Variants in CELF4 observed in about 807,000 individuals in gnomAD.
CELF4 encodes the protein CUGBP Elav-like family member 4.
Under a neutral mutation model 59.9 loss-of-function variants are expected in CELF4, and 18 were observed. The ratio of observed to expected loss-of-function variants is 0.30; its 90% CI spans 0.21 to 0.45. The LOEUF is 0.45. Ranked by LOEUF, CELF4 falls within the 20% of genes least tolerant of loss-of-function variation. The pLI is 1.00. For synonymous variants in CELF4, 261 were observed against 267.1 expected, an observed-to-expected ratio of 0.98 and a Z score of 0.22; for missense variants, 456 against 689.0, an observed-to-expected ratio of 0.66 and a Z score of 3.79.
intron 2 of CELF4, among the ~76,000 whole-genome samples, chr18:37,367,418 TG>T (rs978991651): frequency 6.6e-6 from 1 of 151,326 alleles, no homozygotes; most frequent in Non-Finnish European, 1.5e-5. Flanking sequence ...CTCCCAGCCC[TG>T]GGAGGCAGCA....
At chr18:37,478,068 G>A (rs1420230118) in intron 2 of CELF4, among the ~76,000 whole-genome samples, 1 of 152,186 alleles carries the variant, frequency 6.6e-6, no homozygotes, top group Admixed American at 6.5e-5. Flanking sequence ...CAATGGCGTC[G>A]GGTAGTGGAG....
rs1386697472 is a variant in CELF4, at chr18:37,274,793, G to A, written c.657+12C>T. ...GCTGCCCTCGCCCCCGCCCCAAGGG[G>A]CCAGCACTCACCGGCATGGTCTGGC... is the stretch of plus-strand genomic sequence containing the variant. On this transcript the variant is annotated intron_variant, in intron 5 of 12. Coordinates refer to ENST00000420428, the MANE Select transcript of CELF4 (RefSeq NM_020180.4). The A allele has an allele frequency of 5.1e-6, 8 of 1,579,706 alleles. No individual in the cohort carries two copies. In the Admixed American group the frequency reaches 1.4e-4, roughly 28 times the overall value.
intron 2 of CELF4, among the ~76,000 whole-genome samples, chr18:37,372,753 G>T (rs1294889922): frequency 6.6e-6 from 1 of 151,848 alleles, no homozygotes; most frequent in Non-Finnish European, 1.5e-5. Flanking sequence ...ACTCAACTGG[G>T]TATATGTTTA....
At chr18:37,363,734 C>G (rs1241954276) in intron 2 of CELF4, among the ~76,000 whole-genome samples, 7 of 152,208 alleles carry the variant, frequency 4.6e-5, no homozygotes, top group African/African-American at 1.4e-4. Flanking sequence ...TCTGAGCTTG[C>G]TATCCTGCAG....
At chr18:37,467,144 C>G (rs989525399) in intron 2 of CELF4, among the ~76,000 whole-genome samples, 1 of 152,130 alleles carries the variant, frequency 6.6e-6, no homozygotes, top group African/African-American at 2.4e-5. Context: ...TATGGGGTAT[C>G]AGAAAGCTAC....
At chr18:37,538,575 T>C (rs1307025713) in intron 1 of CELF4, among the ~76,000 whole-genome samples, 1 of 152,124 alleles carries the variant, frequency 6.6e-6, no homozygotes, top group Admixed American at 6.5e-5. Context: ...ACCTGTTGAA[T>C]TGATTTGTGT....
rs977055398 is a variant in CELF4, at chr18:37,421,072, C to A, written c.369+64453G>T. On this transcript the variant is annotated intron_variant, in intron 2 of 12. Transcript: ENST00000420428. ...GTGTAGGAGCTGCTGAGTCTTTGGT[C>A]CTGATCTTTCTGCCTCTTCCCCATC... Among the ~76,000 whole-genome samples, 4 of 152,162 alleles carry A rather than the reference C, an allele frequency of 2.6e-5. 1 individual carries two copies. The highest frequency in any genetic ancestry group is 2.6e-4 in the Admixed American group (4 of 15,274).
At chr18:37,297,066 AG>A (rs1239100388) in intron 3 of CELF4, among the ~76,000 whole-genome samples, 2 of 152,162 alleles carry the variant, frequency 1.3e-5, no homozygotes, top group African/African-American at 4.8e-5. Context: ...AGAGGGGAGC[AG>A]GGGAGATTGA....
At chr18:37,328,235 G>T (rs1231461516) in intron 2 of CELF4, among the ~76,000 whole-genome samples, 1 of 152,226 alleles carries the variant, frequency 6.6e-6, no homozygotes, top group African/African-American at 2.4e-5. Flanking sequence ...GGCAGAAGCA[G>T]GGGGATTCGC....
At chr18:37,358,815 T>C (rs1395374959) in intron 2 of CELF4, among the ~76,000 whole-genome samples, 1 of 55,580 alleles carries the variant, frequency 1.8e-5, no homozygotes, top group Non-Finnish European at 3.4e-5. Context: ...CAAAGACCTG[T>C]CAAGAGGCTG....
At chr18:37,267,212 G>T (rs1787634) in intron 8 of CELF4, among the ~76,000 whole-genome samples, 6,539 of 152,286 alleles carry the variant, frequency 0.043, 453 homozygotes, top group African/African-American at 0.15. Context: ...CTGGGAGAGG[G>T]GTGCTGCCCG....
At chr18:37,358,130 G>A (rs1214339705) in intron 2 of CELF4, among the ~76,000 whole-genome samples, 1 of 152,136 alleles carries the variant, frequency 6.6e-6, no homozygotes, top group African/African-American at 2.4e-5. Context: ...GGGAGGGGCC[G>A]GGGTGGAATG....
At chr18:37,462,572 G>A (rs2099796695) in intron 2 of CELF4, among the ~76,000 whole-genome samples, 2 of 152,212 alleles carry the variant, frequency 1.3e-5, no homozygotes, top group South Asian at 2.1e-4. Context: ...ATGAGTCGCT[G>A]TTGCAGTAGG....
chr18:37,483,626 C>T (rs776971394), intron 2 of CELF4, among the ~76,000 whole-genome samples: 2 of 152,184 alleles, frequency 1.3e-5, no homozygotes, highest in Non-Finnish European at 2.9e-5. Context: ...GAAGGATTAG[C>T]ACAGATTATG....
intron 1 of CELF4, among the ~76,000 whole-genome samples, chr18:37,536,679 G>T (rs536373861): frequency 1.3e-5 from 2 of 152,274 alleles, no homozygotes; most frequent in East Asian, 1.9e-4. Context: ...GACAGGAGGA[G>T]CCCTGGCCCC....
At chr18:37,391,882 G>T (rs1234675060) in intron 2 of CELF4, among the ~76,000 whole-genome samples, 2 of 152,230 alleles carry the variant, frequency 1.3e-5, no homozygotes, top group South Asian at 2.1e-4. Context: ...ACAGGAGCAG[G>T]CAGTCGGCAC....
chr18:37,529,778 A>T (rs1335400184), intron 1 of CELF4, among the ~76,000 whole-genome samples: 1 of 152,172 alleles, frequency 6.6e-6, no homozygotes, highest in Non-Finnish European at 1.5e-5. Flanking sequence ...CTCAACAGCC[A>T]CTGGAGCTTG....
intron 1 of CELF4, among the ~76,000 whole-genome samples, chr18:37,554,053 G>A (rs2099984044): frequency 6.6e-6 from 1 of 152,234 alleles, no homozygotes; most frequent in Non-Finnish European, 1.5e-5. Flanking sequence ...GCTACCTAGA[G>A]CCAGGCCTTG....
At chr18:37,561,958 C>G (rs369153181) in intron 1 of CELF4, among the ~76,000 whole-genome samples, 2 of 152,270 alleles carry the variant, frequency 1.3e-5, no homozygotes, top group South Asian at 2.1e-4. Context: ...GCACTAAACT[C>G]GGTTTTCTTC....
Sources: gnomAD v4.1 joint callset for allele counts (sites outside exome capture counted in the v4.1 genomes callset) on GRCh38, gnomAD v4.1.1 for gene constraint, MANE v1.5 for transcripts, NCBI Gene and HGNC (gene_info 2026-07-23, HGNC 2026-07-21) for gene names.